Variants in PDE6B observed in about 807,000 individuals in gnomAD.
PDE6B encodes phosphodiesterase 6B.
A neutral mutation model predicts 109.0 loss-of-function variants in PDE6B; 106 were observed. That is an observed-to-expected ratio of 0.97 (90% CI 0.83 to 1.14). The LOEUF (loss-of-function observed/expected upper bound fraction) is 1.14, where lower values mean the gene tolerates loss of function less well. Among genes scored for constraint, PDE6B ranks in the 50% most tolerant of loss-of-function variants. The pLI, the probability that PDE6B is intolerant of heterozygous loss-of-function variation, is 0.00. For synonymous variants in PDE6B, 490 were observed against 471.3 expected, an observed-to-expected ratio of 1.04 and a Z score of -0.51; for missense variants, 1,193 against 1,155.6, an observed-to-expected ratio of 1.03 and a Z score of -0.47.
chr4:636,178 A>C lies in PDE6B; in HGVS notation c.711+209A>C, dbSNP rs1307734738. Among the ~76,000 whole-genome samples the C allele has an allele frequency of 2.0e-5, 3 of 152,184 alleles. No individual in the cohort carries two copies. The highest frequency in any genetic ancestry group is 7.2e-5 in the African/African-American group (3 of 41,446). Reference sequence around the variant, plus strand: ...CAGACCCATCTGCCACCTGCCTGCCATCTGGCCAGAGTGGGTGTGAGGCAC... The same window carrying C: ...CAGACCCATCTGCCACCTGCCTGCCCTCTGGCCAGAGTGGGTGTGAGGCAC... On this transcript the variant is annotated intron_variant, in intron 3 of 21. Coordinates refer to ENST00000496514, the MANE Select transcript of PDE6B (RefSeq NM_000283.4). This position sits in a 1 kb window ranked among gnomAD's most constrained non-coding sequence, Gnocchi z 4.5.
intron 11 of PDE6B, among the ~76,000 whole-genome samples, chr4:659,466 T>C (rs115085351): frequency 3.7e-3 from 571 of 152,300 alleles, no homozygotes; most frequent in African/African-American, 0.013. Context: ...TGCATGTGTG[T>C]GCACATGTGG....
At chr4:650,835 C>T (rs75766313) in intron 3 of PDE6B, among the ~76,000 whole-genome samples, 1,633 of 152,224 alleles carry the variant, frequency 0.011, 43 homozygotes, top group African/African-American at 0.037. Flanking sequence ...GAGCCCGAGC[C>T]GGCAGCGAAA....
intron 6 of PDE6B, chr4:655,300 A>G (rs536363818): frequency 6.6e-6 from 2 of 304,272 alleles, no homozygotes; most frequent in Admixed American, 4.7e-5. Flanking sequence ...TGGGGCTGGA[A>G]GAGGAGGGGA....
At chr4:645,787 A>C (rs1735173135) in intron 3 of PDE6B, among the ~76,000 whole-genome samples, 2 of 151,848 alleles carry the variant, frequency 1.3e-5, no homozygotes, top group African/African-American at 4.9e-5. Context: ...TTGTTTTTCC[A>C]AAAAATTTTA....
intron 1 of PDE6B, among the ~76,000 whole-genome samples, chr4:629,196 A>G (rs1412848840): frequency 6.6e-6 from 1 of 152,154 alleles, no homozygotes; most frequent in East Asian, 1.9e-4. Flanking sequence ...GGGAGGAGCG[A>G]GTGGGCCTGT....
Position 657,140 on chromosome 4 carries a change from G to T in PDE6B, c.1257+117G>T, listed in dbSNP as rs990540162. On this transcript the variant is annotated intron_variant, in intron 9 of 21. Transcript: ENST00000496514. ...TGTGTGCGTGTGCTCATGTGTGTGCGGTATGCATGCGGCCAGGGAGAGGAC... is the reference window on the plus strand; with the variant it reads ...TGTGTGCGTGTGCTCATGTGTGTGCTGTATGCATGCGGCCAGGGAGAGGAC... 2.4e-6 allele frequency: 3 copies of T among 1,236,604 alleles called. No homozygotes were observed. The African/African-American group carries it at 4.4e-5, about 18-fold the overall frequency. The allele number at this position is 1,236,604 out of a possible 1,614,324, so 76.6% of individuals were successfully genotyped here. A position where few individuals can be genotyped will look rare whatever the true frequency, so the allele number is the denominator to read the frequency against.
At chr4:643,233 G>C (rs527470638) in intron 3 of PDE6B, among the ~76,000 whole-genome samples, 1 of 152,008 alleles carries the variant, frequency 6.6e-6, no homozygotes, top group Non-Finnish European at 1.5e-5. Flanking sequence ...ACTTGAACCC[G>C]GGAAGTGGAG....
Position 665,188 on chromosome 4 carries a change from G to A in PDE6B, c.2194-67G>A, listed in dbSNP as rs1041558574. ...AGAAGACCGAGGCTCGGAGCCTCAC[G>A]GGGCGGGCCCGGGCCCTTCCGCGTG... On this transcript the variant is annotated intron_variant, in intron 18 of 21. Transcript: ENST00000496514. This position sits in a 1 kb window ranked among gnomAD's most constrained non-coding sequence, Gnocchi z 4.0. The A allele has an allele frequency of 2.5e-5, 30 of 1,196,480 alleles. No homozygotes were observed. Among genetic ancestry groups the A allele is most frequent in the Non-Finnish European group, 3.5e-5 (29 of 818,822 alleles). 74.1% of individuals were successfully genotyped at this position (1,196,480 alleles called of 1,614,324 possible). A position where few individuals can be genotyped will look rare whatever the true frequency, so the allele number is the denominator to read the frequency against.
intron 2 of PDE6B, among the ~76,000 whole-genome samples, 196 bp downstream of exon 2, chr4:635,025 G>A (rs1319720895): frequency 1.1e-5 from 1 of 90,734 alleles, no homozygotes; most frequent in Non-Finnish European, 2.2e-5. Flanking sequence ...GCCTGCCCGC[G>A]TGTTCTGTGC....
chr4:645,878 G>A (rs2109159883), intron 3 of PDE6B, among the ~76,000 whole-genome samples: 1 of 152,094 alleles, frequency 6.6e-6, no homozygotes, highest in South Asian at 2.1e-4. Flanking sequence ...TTCACTTAGA[G>A]TGTGGCTATC....
intron 2 of PDE6B, among the ~76,000 whole-genome samples, chr4:635,101 T>C (rs1027222249): frequency 2.0e-5 from 2 of 97,896 alleles, no homozygotes; most frequent in Admixed American, 1.0e-4. Context: ...GTCTGCCTCC[T>C]TACCTGCCTG....
chr4:637,064 A>G (rs1361461774), intron 3 of PDE6B, among the ~76,000 whole-genome samples: 7 of 152,210 alleles, frequency 4.6e-5, no homozygotes, highest in Admixed American at 6.5e-5. Context: ...TATTTATGTC[A>G]GTGTGGACTT....
Position 625,587 on chromosome 4 carries a change from G to A in PDE6B, c.-40G>A, listed in dbSNP as rs756474944. 1.4e-5 allele frequency: 20 copies of A among 1,405,996 alleles called. No individual in the cohort carries two copies. Among genetic ancestry groups the A allele is most frequent in the Non-Finnish European group, 1.9e-5 (19 of 990,380 alleles). 87.1% of individuals were successfully genotyped at this position (1,405,996 alleles called of 1,614,324 possible). On this transcript the variant is annotated 5_prime_UTR_variant, in exon 1 of 22. In the 5' UTR this introduces an upstream ATG that the reference lacks. Transcript: ENST00000496514. This position sits in a 1 kb window ranked among gnomAD's most constrained non-coding sequence, Gnocchi z 5.0. Reference sequence around the variant, plus strand: ...GACAGGGTTTCCTGGGAGTCCATGCGTGCCTGGAGCAGCAGCGTCTCCAGG... The same window carrying A: ...GACAGGGTTTCCTGGGAGTCCATGCATGCCTGGAGCAGCAGCGTCTCCAGG...
intron 11 of PDE6B, 38 bp from the exon 12 acceptor site, chr4:660,429 G>A: frequency 6.2e-7 from 1 of 1,610,088 alleles, no homozygotes; most frequent in Non-Finnish European, 8.5e-7. Context: ...GGGGGCTGTG[G>A]CAGGCCAACC....
In PDE6B at chr4:656,274, C is replaced by A; in HGVS notation, c.1089C>A (p.Asp363Glu). 6.3e-7 allele frequency: 1 copy of A among 1,592,754 alleles called. No homozygotes were observed. The highest frequency in any genetic ancestry group is 8.6e-7 in the Non-Finnish European group (1 of 1,160,666). ...GTAACATCATGAATGCTTCCGCTGA[C>A]GAAATGTTCAAATTTCAGGTATCTG... ...FICNIMNASA[D>E]EMFKFQEGAL... The change falls in exon 8 of 22, where the codon GAC becomes GAA. Residue 363 changes from aspartate (D) to glutamate (E), a missense_variant. Coordinates refer to ENST00000496514, the MANE Select transcript of PDE6B (RefSeq NM_000283.4).
chr4:661,900 C>G lies in PDE6B; in HGVS notation c.1615-234C>G, dbSNP rs545847502. 363 of 565,300 alleles carry G rather than the reference C, an allele frequency of 6.4e-4. 1 individual carries two copies. The highest frequency in any genetic ancestry group is 6.3e-3 in the African/African-American group (338 of 53,308). The allele number at this position is 565,300 out of a possible 1,614,324, so 35.0% of individuals were successfully genotyped here. On this transcript the variant is annotated intron_variant, in intron 12 of 21. Transcript: ENST00000496514. ...GGCCCCTGAAGGCTGGGGCTGTTCT[C>G]AGCTCCTGCCCTACCTGGCTCCACC...
At position 626,942 on chromosome 4, in the gene PDE6B, G is replaced by A. The variant is rs544185326; in HGVS notation, c.468+848G>A. ...TCTGAGGAAGAAGGGGAGGGGGGAAGCCCCTTCTCCCTGTCCTGCACCCGT... is the reference window on the plus strand; with the variant it reads ...TCTGAGGAAGAAGGGGAGGGGGGAAACCCCTTCTCCCTGTCCTGCACCCGT... On this transcript the variant is annotated intron_variant, in intron 1 of 21. Transcript: ENST00000496514. The surrounding 1 kb of genome is among the most constrained non-coding windows in gnomAD (Gnocchi z 4.6). Among the ~76,000 whole-genome samples, 5 of 152,266 alleles carry A rather than the reference G, an allele frequency of 3.3e-5. No homozygotes were observed. In the East Asian group the frequency reaches 9.7e-4, roughly 29 times the overall value.
intron 3 of PDE6B, among the ~76,000 whole-genome samples, chr4:644,044 G>A (rs1226647791): frequency 1.4e-5 from 2 of 146,640 alleles, no homozygotes; most frequent in Middle Eastern, 3.6e-3. Context: ...TCAGCCTCCC[G>A]AGTAGCTGGA....
In PDE6B at chr4:635,041, G is replaced by A. The variant is rs1459966083; in HGVS notation, c.621+212G>A. Among the ~76,000 whole-genome samples the A allele has an allele frequency of 9.5e-5, 11 of 115,986 alleles. No individual in the cohort carries two copies. The South Asian group carries it at 2.3e-3, about 24-fold the overall frequency. 76.1% of individuals were successfully genotyped at this position (115,986 alleles called of 152,430 possible). A position where few individuals can be genotyped will look rare whatever the true frequency, so the allele number is the denominator to read the frequency against. ...CCTGCCCGCGTGTTCTGTGCTGCGC[G>A]TCCACCTCCTTACCTGCCTGCCCGC... is the stretch of plus-strand genomic sequence containing the variant. On this transcript the variant is annotated intron_variant, in intron 2 of 21. Transcript: ENST00000496514.
Sources: allele counts gnomAD v4.1 joint callset (sites outside exome capture counted in the v4.1 genomes callset), GRCh38; gene constraint gnomAD v4.1.1; non-coding constraint Gnocchi (gnomAD v3.1); transcripts MANE v1.5; gene names NCBI Gene and HGNC (gene_info 2026-07-23, HGNC 2026-07-21).